C2orf76: variants seen among roughly 807,000 people sequenced by gnomAD.
C2orf76 encodes the protein UPF0538 protein C2orf76.
In C2orf76, 23 loss-of-function variants were observed where a neutral mutation model predicts 16.9. That is an observed-to-expected ratio of 1.36 (90% CI 0.98 to 1.93). C2orf76 has a LOEUF of 1.93. C2orf76 is among the 30% of genes most tolerant of loss of function. C2orf76 has a pLI of 0.00. For missense variants in C2orf76, 152 were observed against 152.6 expected, an observed-to-expected ratio of 1.00 and a Z score of 0.02; for synonymous variants, 48 against 52.3, an observed-to-expected ratio of 0.92 and a Z score of 0.35.
At position 119,352,995 on chromosome 2, in the gene C2orf76, G is replaced by A. The variant is rs542272108; in HGVS notation, c.-12-13024C>T. Among the ~76,000 whole-genome samples the A allele has an allele frequency of 2.0e-5, 3 of 152,266 alleles. No homozygotes were observed. The South Asian group carries it at 6.2e-4, about 32-fold the overall frequency. ...AATACAGTTGTTACTGTTCTTTTCT[G>A]TGAGGAAACTAAATTGGCAAAGGTG... On this transcript the variant is annotated intron_variant, in intron 1 of 5. Coordinates refer to ENST00000334816, the MANE Select transcript of C2orf76 (RefSeq NM_001322331.2).
At chr2:119,346,538 A>C (rs751418728) in intron 1 of C2orf76, among the ~76,000 whole-genome samples, 4 of 152,216 alleles carry the variant, frequency 2.6e-5, no homozygotes, top group Non-Finnish European at 1.5e-5. Flanking sequence ...AGGCAGTCTC[A>C]AAAGCTTGCA....
At chr2:119,349,051 A>C (rs982289434) in intron 1 of C2orf76, among the ~76,000 whole-genome samples, 1 of 152,230 alleles carries the variant, frequency 6.6e-6, no homozygotes, top group Non-Finnish European at 1.5e-5. Context: ...CATGTTTGTA[A>C]TGTAGGTGTG....
intron 2 of C2orf76, among the ~76,000 whole-genome samples, chr2:119,326,820 T>C (rs1391756467): frequency 6.6e-6 from 1 of 152,176 alleles, no homozygotes; most frequent in Non-Finnish European, 1.5e-5. Context: ...TTTTTGATGT[T>C]TTATCATTTT....
chr2:119,321,689 C>T (rs1361777064), intron 2 of C2orf76, among the ~76,000 whole-genome samples: 4 of 152,080 alleles, frequency 2.6e-5, no homozygotes, highest in East Asian at 1.9e-4. Flanking sequence ...GGTAGGGATA[C>T]GGCCAAAGCA....
chr2:119,333,121 A>G (rs981122320), intron 2 of C2orf76, among the ~76,000 whole-genome samples: 1 of 152,224 alleles, frequency 6.6e-6, no homozygotes, highest in Non-Finnish European at 1.5e-5. Flanking sequence ...ACAACAAAGC[A>G]TTGCCTTAAC....
In C2orf76 at chr2:119,335,978, T is replaced by C. The variant is rs114795784; in HGVS notation, c.133+3849A>G. 4.0e-3 allele frequency among the ~76,000 whole-genome samples: 615 copies of C among 152,332 alleles called. 7 individuals carry two copies. The highest frequency in any genetic ancestry group is 0.014 in the Middle Eastern group (4 of 294). On this transcript the variant is annotated intron_variant, in intron 2 of 5. Transcript: ENST00000334816. ...AATCGAAATGCTTGCAAATTAAGAA[T>C]AATTAAAATAATTTTATGTTATCTA... is the stretch of plus-strand genomic sequence containing the variant.
intron 2 of C2orf76, among the ~76,000 whole-genome samples, chr2:119,322,046 T>C (rs557644362): frequency 6.6e-6 from 1 of 152,182 alleles, no homozygotes; most frequent in African/African-American, 2.4e-5. Context: ...TAAAAACATA[T>C]TCCAAATGCC....
chr2:119,363,668 T>G (rs1680825744), intron 1 of C2orf76, among the ~76,000 whole-genome samples: 1 of 152,206 alleles, frequency 6.6e-6, no homozygotes, highest in Non-Finnish European at 1.5e-5. Flanking sequence ...TCATTTATAC[T>G]AAGAAACTTA....
chr2:119,366,247 CAGG>C, intron 1 of C2orf76: 1 of 373,474 alleles, frequency 2.7e-6, no homozygotes, highest in South Asian at 2.0e-5. Context: ...AGTTACCCAA[CAGG>C]AGTTCAATAA....
chr2:119,281,532 AG>A, the C2orf76 span, among the ~76,000 whole-genome samples: 2 of 152,178 alleles, frequency 1.3e-5, no homozygotes, highest in Admixed American at 6.5e-5. Flanking sequence ...AGAGAGAGAG[AG>A]AGAGAATGAG....
downstream of C2orf76, among the ~76,000 whole-genome samples, chr2:119,298,374 C>T (rs554051275): frequency 3.3e-5 from 5 of 152,156 alleles, no homozygotes; most frequent in East Asian, 1.9e-4. Flanking sequence ...ATTACAAATA[C>T]TACCTTTATT....
the C2orf76 span, among the ~76,000 whole-genome samples, chr2:119,283,595 C>A: frequency 0.025 from 3,734 of 152,220 alleles, 134 homozygotes; most frequent in African/African-American, 0.08. Flanking sequence ...CTGCCCCAGC[C>A]TCTGGAGTAG....
At chr2:119,321,326 C>T (rs1679334563) in intron 2 of C2orf76, 122 bp from the exon 3 acceptor site, 1 of 601,894 alleles carries the variant, frequency 1.7e-6, no homozygotes, top group Non-Finnish European at 2.9e-6. Flanking sequence ...CCTGACAGAA[C>T]ACAGAATAAA....
At chr2:119,305,349 G>A (rs1678743440) in intron 5 of C2orf76, among the ~76,000 whole-genome samples, 1 of 152,050 alleles carries the variant, frequency 6.6e-6, no homozygotes, top group African/African-American at 2.4e-5. Context: ...GACTTTAAAT[G>A]AAAGAATATA....
intron 2 of C2orf76, among the ~76,000 whole-genome samples, chr2:119,332,545 T>C (rs930503744): frequency 7.2e-6 from 1 of 138,576 alleles, no homozygotes; most frequent in Non-Finnish European, 1.6e-5. Context: ...CATATTACTA[T>C]AGATCCTTTA....
At position 119,317,434 on chromosome 2, in the gene C2orf76, T is replaced by C. The variant is rs1203153179; in HGVS notation, c.222+32A>G. ...AATTCAACCAACATTGATTACTTGC[T>C]ATGTGCCAGATACTGTACCTGTGGA... is the stretch of plus-strand genomic sequence containing the variant. On this transcript the variant is annotated intron_variant, in intron 4 of 5. Transcript: ENST00000334816. 3.3e-6 allele frequency: 5 copies of C among 1,504,482 alleles called. 1 individual carries two copies. Among genetic ancestry groups the C allele is most frequent in the Middle Eastern group, 1.7e-4 (1 of 5,766 alleles). The allele number at this position is 1,504,482 out of a possible 1,614,324, so 93.2% of individuals were successfully genotyped here. A position where few individuals can be genotyped will look rare whatever the true frequency, so the allele number is the denominator to read the frequency against.
chr2:119,318,006 G>A (rs1679228348), intron 3 of C2orf76, among the ~76,000 whole-genome samples: 1 of 151,964 alleles, frequency 6.6e-6, no homozygotes, highest in Admixed American at 6.6e-5. Flanking sequence ...ATCTGAGCAA[G>A]GCTGCTAATG....
chr2:119,320,999 T>C (rs1679323604), intron 3 of C2orf76, among the ~76,000 whole-genome samples, 155 bp downstream of exon 3: 1 of 152,230 alleles, frequency 6.6e-6, no homozygotes, highest in South Asian at 2.1e-4. Context: ...TTACAATTCA[T>C]TTCAGCAATA....
the C2orf76 span, among the ~76,000 whole-genome samples, chr2:119,294,018 G>A: frequency 6.6e-6 from 1 of 152,168 alleles, no homozygotes; most frequent in African/African-American, 2.4e-5. Context: ...TCCGGAGTCT[G>A]CAGCATTTAG....
Sources: gnomAD v4.1 joint callset for allele counts (sites outside exome capture counted in the v4.1 genomes callset) on GRCh38, gnomAD v4.1.1 for gene constraint, MANE v1.5 for transcripts, NCBI Gene and HGNC (gene_info 2026-07-23, HGNC 2026-07-21) for gene names.